Variants in EGFR observed in about 807,000 individuals in gnomAD.
The protein encoded by EGFR is avian erythroblastic leukemia viral (v-erb-b) oncogene homolog.
Under a neutral mutation model 143.0 loss-of-function variants are expected in EGFR, and 58 were observed. The ratio of observed to expected loss-of-function variants is 0.41; its 90% CI spans 0.33 to 0.50. The LOEUF is 0.50. EGFR is among the 20% of genes least tolerant of loss of function. The pLI is 0.39. For synonymous variants in EGFR, 613 were observed against 594.4 expected (o/e 1.03, Z -0.45); for missense variants, 1,307 against 1,579.0 (o/e 0.83, Z 2.92).
intron 1 of EGFR, among the ~76,000 whole-genome samples, chr7:55,076,053 T>A (rs1790117007): frequency 6.6e-6 from 1 of 152,186 alleles, no homozygotes. Flanking sequence ...CCATTAGTAA[T>A]TTGTTATAAA....
chr7:55,100,511 C>T (rs947060974), intron 1 of EGFR, among the ~76,000 whole-genome samples: 2 of 152,238 alleles, frequency 1.3e-5, no homozygotes, highest in African/African-American at 2.4e-5. Flanking sequence ...AATTCTTCCC[C>T]TACGAGAGGT....
At chr7:55,049,937 A>G (rs1349378339) in intron 1 of EGFR, among the ~76,000 whole-genome samples, 1 of 152,128 alleles carries the variant, frequency 6.6e-6, no homozygotes, top group Non-Finnish European at 1.5e-5. Flanking sequence ...CACACATGGC[A>G]TCTGGCATCA....
rs1562812167 is a variant in EGFR, at chr7:55,207,295, A to T, written c.*1678A>T. On this transcript the variant is annotated 3_prime_UTR_variant, in exon 28 of 28. Transcript: ENST00000275493. Reference sequence around the variant, plus strand: ...TACAGCATTGTTAAGAAAGTATTTGATTTTTGTCTCAATGAAAATAAAACT... The same window carrying T: ...TACAGCATTGTTAAGAAAGTATTTGTTTTTTGTCTCAATGAAAATAAAACT... 8.6e-6 allele frequency: 2 copies of T among 232,546 alleles called. No individual in the cohort carries two copies. The highest frequency in any genetic ancestry group is 1.7e-5 in the Non-Finnish European group (2 of 117,700). 14.4% of individuals were successfully genotyped at this position (232,546 alleles called of 1,614,324 possible).
intron 15 of EGFR, among the ~76,000 whole-genome samples, chr7:55,166,800 G>GTGA (rs56135455): frequency 3.9e-5 from 5 of 127,344 alleles, no homozygotes; most frequent in African/African-American, 1.2e-4. Flanking sequence ...GTTGGTGGTG[G>GTGA]TGGTGGTGAG....
intron 1 of EGFR, among the ~76,000 whole-genome samples, chr7:55,126,024 C>T (rs1222335042): frequency 6.6e-6 from 1 of 152,206 alleles, no homozygotes; most frequent in East Asian, 1.9e-4. Flanking sequence ...AGTCCCTCTC[C>T]TCCTGCCCTG....
intron 1 of EGFR, among the ~76,000 whole-genome samples, chr7:55,099,452 G>A (rs10225425): frequency 0.013 from 2,049 of 152,324 alleles, 49 homozygotes; most frequent in African/African-American, 0.047. Context: ...TGAGGACAAT[G>A]TCCTTGTCTA....
At chr7:55,108,457 T>C (rs186507148) in intron 1 of EGFR, among the ~76,000 whole-genome samples, 17 of 152,334 alleles carry the variant, frequency 1.1e-4, no homozygotes, top group African/African-American at 3.8e-4. Flanking sequence ...CATTTTTAGG[T>C]ACTTGAGTGA....
intron 1 of EGFR, among the ~76,000 whole-genome samples, chr7:55,027,975 TAA>T (rs5884397): frequency 0.08 from 6,470 of 81,162 alleles, 338 homozygotes; most frequent in African/African-American, 0.12. Flanking sequence ...TGCCTTTATG[TAA>T]AAAAAAAAAA....
chr7:55,191,331 C>T (rs1186275520), intron 20 of EGFR, among the ~76,000 whole-genome samples: 3 of 152,158 alleles, frequency 2.0e-5, no homozygotes, highest in Non-Finnish European at 4.4e-5. Flanking sequence ...TTTGCACCAG[C>T]TTGGTGAGGA....
chr7:55,050,471 C>T (rs988526055), intron 1 of EGFR, among the ~76,000 whole-genome samples: 1 of 152,238 alleles, frequency 6.6e-6, no homozygotes, highest in Non-Finnish European at 1.5e-5. Flanking sequence ...GTGTGGACCA[C>T]ATTTCATTTA....
At chr7:55,163,644 C>T in intron 13 of EGFR, 89 bp from the exon 14 acceptor site, 1 of 1,147,116 alleles carries the variant, frequency 8.7e-7, no homozygotes, top group Non-Finnish European at 1.3e-6. Flanking sequence ...ACCATTACCT[C>T]AAGTTATTTG....
Position 55,205,555 on chromosome 7 carries a change from A to G in EGFR, c.3571A>G (p.Thr1191Ala), listed in dbSNP as rs1788076877. ...AKPNGIFKGS[T>A]AENAEYLRVA... ...GCCAAATGGCATCTTTAAGGGCTCC[A>G]CAGCTGAAAATGCAGAATACCTAAG... The change falls in exon 28 of 28, where the codon ACA becomes GCA. Residue 1191 changes from threonine to alanine, a missense_variant. Physicochemically the swap from Thr to Ala is moderately conservative, Grantham distance 58 (BLOSUM62 0). Coordinates refer to ENST00000275493, the MANE Select transcript of EGFR (RefSeq NM_005228.5). 5 of 1,614,190 alleles carry G rather than the reference A, an allele frequency of 3.1e-6. No homozygotes were observed. Among genetic ancestry groups the G allele is most frequent in the African/African-American group, 1.3e-5 (1 of 75,052 alleles).
intron 1 of EGFR, among the ~76,000 whole-genome samples, chr7:55,022,029 G>T (rs770636913): frequency 9.2e-5 from 14 of 152,272 alleles, no homozygotes; most frequent in Non-Finnish European, 1.8e-4. Context: ...AAGGGGAAAG[G>T]GCCCAGGGAG....
intron 1 of EGFR, among the ~76,000 whole-genome samples, chr7:55,107,541 G>A (rs1315846771): frequency 6.6e-6 from 1 of 152,166 alleles, no homozygotes; most frequent in Non-Finnish European, 1.5e-5. Flanking sequence ...GTGAAGAGTG[G>A]ATGCTGCAGG....
intron 1 of EGFR, among the ~76,000 whole-genome samples, chr7:55,073,938 C>T (rs1789984870): frequency 6.6e-6 from 1 of 152,218 alleles, no homozygotes; most frequent in African/African-American, 2.4e-5. Flanking sequence ...ATGCTGTTTA[C>T]ATCTCTTCAC....
chr7:55,105,982 C>G (rs12671550), intron 1 of EGFR, among the ~76,000 whole-genome samples: 48,666 of 152,056 alleles, frequency 0.32, 8,588 homozygotes, highest in East Asian at 0.7. Context: ...GAAGGGCTGA[C>G]ACACATAGAT....
At chr7:55,022,119 C>T (rs1786605799) in intron 1 of EGFR, among the ~76,000 whole-genome samples, 1 of 152,330 alleles carries the variant, frequency 6.6e-6, no homozygotes, top group Admixed American at 6.5e-5. Flanking sequence ...TTCCTCAGCC[C>T]TCTGTTGGGT....
rs884225 is a variant in EGFR at position 55,206,391 on chromosome 7, T to G, written c.*774T>G. 2.6e-5 allele frequency: 6 copies of G among 233,358 alleles called. No homozygotes were observed. The highest frequency in any genetic ancestry group is 1.8e-4 in the South Asian group (1 of 5,522). The allele number at this position is 233,358 out of a possible 1,614,324, so 14.5% of individuals were successfully genotyped here. ...TCCATTGTTTTGAAACTCAGTATGC[T>G]GCCCCTGTCTTGCTGTCATGAAATC... On this transcript the variant is annotated 3_prime_UTR_variant, in exon 28 of 28. Coordinates refer to ENST00000275493, the MANE Select transcript of EGFR (RefSeq NM_005228.5).
chr7:55,204,634 C>CCACACACACAT (rs370776113), intron 27 of EGFR, among the ~76,000 whole-genome samples: 5,287 of 128,264 alleles, frequency 0.041, 354 homozygotes, highest in African/African-American at 0.14. Context: ...CAGACACACA[C>CCACACACACAT]CACACATACA....
Sources: gnomAD v4.1 joint callset for allele counts (sites outside exome capture counted in the v4.1 genomes callset) on GRCh38, gnomAD v4.1.1 for gene constraint, MANE v1.5 for transcripts, NCBI Gene and HGNC (gene_info 2026-07-23, HGNC 2026-07-21) for gene names.